The following IPCEF1 variants were observed in gnomAD, a reference collection of about 807,000 sequenced individuals.
IPCEF1 encodes interaction protein for cytohesin exchange factors 1, also known as interactor protein for cytohesin exchange factors 1.
Under a neutral mutation model 50.9 loss-of-function variants are expected in IPCEF1, and 31 were observed. The observed-to-expected ratio is 0.61, with a 90% CI of 0.46 to 0.82. IPCEF1 has a LOEUF of 0.82. Among genes scored for constraint, IPCEF1 ranks in the 40% least tolerant of loss-of-function variants. The probability of loss-of-function intolerance (pLI) is 0.00; values close to 1 mark genes in which losing one functional copy is unlikely to be tolerated. For missense variants in IPCEF1, 458 were observed against 514.0 expected, an observed-to-expected ratio of 0.89 and a Z score of 1.05; for synonymous variants, 181 against 192.0, an observed-to-expected ratio of 0.94 and a Z score of 0.47.
intron 1 of IPCEF1, among the ~76,000 whole-genome samples, chr6:154,347,712 G>T (rs1048135031): frequency 6.6e-6 from 1 of 152,166 alleles, no homozygotes; most frequent in South Asian, 2.1e-4. Flanking sequence ...CACCTCAGTG[G>T]CTCCTACTGC....
chr6:154,227,284 A>G (rs1428425785), intron 5 of IPCEF1, among the ~76,000 whole-genome samples: 1 of 152,210 alleles, frequency 6.6e-6, no homozygotes, highest in African/African-American at 2.4e-5. Flanking sequence ...AATTAGAATC[A>G]GCACCCAATT....
chr6:154,195,074 C>T (rs1776480585), intron 10 of IPCEF1, among the ~76,000 whole-genome samples: 1 of 152,058 alleles, frequency 6.6e-6, no homozygotes, highest in Admixed American at 6.6e-5. Flanking sequence ...GCTCCCTAAA[C>T]CTTCTTATGT....
At position 154,276,271 on chromosome 6, in the gene IPCEF1, G is replaced by GA. The variant is rs1183353924; in HGVS notation, c.-17-10308dup. On this transcript the variant is annotated intron_variant, in intron 2 of 11. Transcript: ENST00000367220. ...GGTGGGAGGGAGGGAGGAAGAAAGA[G>GA]AAAAAAGAAAAGAAAAAAAAAGAAA... Among the ~76,000 whole-genome samples the GA allele has an allele frequency of 1.7e-4, 15 of 88,874 alleles. No homozygotes were observed. The East Asian group carries it at 7.7e-3, about 46-fold the overall frequency. 58.3% of individuals were successfully genotyped at this position (88,874 alleles called of 152,430 possible).
intron 11 of IPCEF1, among the ~76,000 whole-genome samples, chr6:154,167,110 T>C (rs190696636): frequency 3.9e-4 from 60 of 152,332 alleles, no homozygotes; most frequent in African/African-American, 1.2e-3. Context: ...CTTAAGTTCT[T>C]AATGCCAAAG....
chr6:154,223,205 G>A lies in IPCEF1; in HGVS notation c.285C>T (p.Phe95=). The change falls in exon 6 of 12, where the codon TTC becomes TTT. Residue 95 remains phenylalanine (F), a synonymous_variant. Coordinates refer to ENST00000367220, the MANE Select transcript of IPCEF1 (RefSeq NM_001130700.2). ...KADGFVNLPD[F]TVERASECKK... Reference sequence around the variant, plus strand: ...TGCATTCAGATGCTCTTTCCACAGTGAAATCAGGCAGGTTGACAAATCCAT... The same window carrying A: ...TGCATTCAGATGCTCTTTCCACAGTAAAATCAGGCAGGTTGACAAATCCAT... 6.2e-7 allele frequency: 1 copy of A among 1,613,748 alleles called. No individual in the cohort carries two copies. The highest frequency in any genetic ancestry group is 8.5e-7 in the Non-Finnish European group (1 of 1,179,956).
In IPCEF1 at chr6:154,156,637, T is replaced by C. The variant is rs1798726790; in HGVS notation, c.*3191A>G. On this transcript the variant is annotated 3_prime_UTR_variant, in exon 12 of 12. Coordinates refer to ENST00000367220, the MANE Select transcript of IPCEF1 (RefSeq NM_001130700.2). ...CATTGAAATCTGACTCCAAACACAA[T>C]CTCTTTCTTACGCTTCCTGGAGTCT... 6.6e-6 allele frequency: 1 copy of C among 152,192 alleles called. No individual in the cohort carries two copies. Among genetic ancestry groups the C allele is most frequent in the South Asian group, 2.1e-4 (1 of 4,830 alleles). 9.4% of individuals were successfully genotyped at this position (152,192 alleles called of 1,614,324 possible).
intron 5 of IPCEF1, among the ~76,000 whole-genome samples, chr6:154,239,550 C>T (rs997035110): frequency 2.0e-5 from 3 of 152,154 alleles, no homozygotes; most frequent in Admixed American, 6.5e-5. Context: ...TGCGGTAAAC[C>T]GGTCACCTAC....
chr6:154,273,708 CTTT>C (rs1781959392), intron 2 of IPCEF1, among the ~76,000 whole-genome samples: 3 of 54,046 alleles, frequency 5.6e-5, no homozygotes, highest in Admixed American at 3.6e-4. Flanking sequence ...TTCTTTTTTT[CTTT>C]CTTTCTTTCT....
intron 10 of IPCEF1, among the ~76,000 whole-genome samples, chr6:154,199,169 A>G (rs756910237): frequency 6.6e-6 from 1 of 152,246 alleles, no homozygotes; most frequent in African/African-American, 2.4e-5. Flanking sequence ...CACAAAGTGC[A>G]TGCAAATTGT....
chr6:154,253,484 G>C (rs1781387132), intron 3 of IPCEF1, among the ~76,000 whole-genome samples: 1 of 152,116 alleles, frequency 6.6e-6, no homozygotes, highest in Non-Finnish European at 1.5e-5. Flanking sequence ...ATGCTGCATA[G>C]TACTGCAGTG....
chr6:154,188,004 T>C (rs1304616810), intron 10 of IPCEF1, among the ~76,000 whole-genome samples: 1 of 152,210 alleles, frequency 6.6e-6, no homozygotes, highest in African/African-American at 2.4e-5. Flanking sequence ...TCTATCAGCA[T>C]TGTACTTTGG....
At chr6:154,315,330 T>C (rs2128683257) in intron 1 of IPCEF1, among the ~76,000 whole-genome samples, 1 of 152,304 alleles carries the variant, frequency 6.6e-6, no homozygotes, top group South Asian at 2.1e-4. Flanking sequence ...CCAGAGCATT[T>C]CTATGAACAT....
rs140769828 is a variant in IPCEF1, at chr6:154,206,303, C to T, written c.538-6263G>A. On this transcript the variant is annotated intron_variant, in intron 9 of 11. Transcript: ENST00000367220. ...TCTGTGAGAGTCAAATGAAATCATTCTTCTCAAAGCCATGCAAAAGCACTA... is the reference window on the plus strand; with the variant it reads ...TCTGTGAGAGTCAAATGAAATCATTTTTCTCAAAGCCATGCAAAAGCACTA... Among the ~76,000 whole-genome samples the T allele has an allele frequency of 7.1e-3, 1,074 of 152,296 alleles. 11 individuals are homozygous for T. The highest frequency in any genetic ancestry group is 0.011 in the Non-Finnish European group (729 of 68,026).
In IPCEF1 at chr6:154,270,691, C is replaced by A. The variant is rs374186406; in HGVS notation, c.-17-4727G>T. ...ATTAATTTCAATTTAAATATGTATT[C>A]TTGGCCAGGTACGGTGGCTCACGCC... On this transcript the variant is annotated intron_variant, in intron 2 of 11. Transcript: ENST00000367220. Among the ~76,000 whole-genome samples, 8 of 152,130 alleles carry A rather than the reference C, an allele frequency of 5.3e-5. No homozygotes were observed. In the East Asian group the frequency reaches 7.7e-4, roughly 15 times the overall value.
At chr6:154,321,430 G>A (rs1438669987) in intron 1 of IPCEF1, among the ~76,000 whole-genome samples, 3 of 151,472 alleles carry the variant, frequency 2.0e-5, no homozygotes, top group African/African-American at 4.9e-5. Context: ...AGGGTGATAC[G>A]TATATTTATA....
At chr6:154,176,670 G>A (rs1800360381) in intron 10 of IPCEF1, among the ~76,000 whole-genome samples, 3 of 152,200 alleles carry the variant, frequency 2.0e-5, no homozygotes, top group Admixed American at 2.0e-4. Flanking sequence ...AAATAAAAGA[G>A]GTCACAAACA....
At chr6:154,179,504 C>T (rs968202716) in intron 10 of IPCEF1, among the ~76,000 whole-genome samples, 1 of 152,162 alleles carries the variant, frequency 6.6e-6, no homozygotes, top group Non-Finnish European at 1.5e-5. Context: ...TTTCCGCCCC[C>T]CCTTATCTTC....
chr6:154,176,076 T>A (rs1276218214), intron 10 of IPCEF1, among the ~76,000 whole-genome samples: 2 of 152,180 alleles, frequency 1.3e-5, no homozygotes, highest in African/African-American at 4.8e-5. Flanking sequence ...AAAAACCACA[T>A]GATTATGTCA....
In IPCEF1 at chr6:154,289,948, AG is replaced by A. The variant is rs895273976; in HGVS notation, c.-61-193del. Among the ~76,000 whole-genome samples the A allele has an allele frequency of 3.2e-4, 49 of 152,274 alleles. 1 individual carries two copies. Among genetic ancestry groups the A allele is most frequent in the Admixed American group, 6.5e-5 (1 of 15,284 alleles). On this transcript the variant is annotated intron_variant, in intron 1 of 11. Coordinates refer to ENST00000367220, the MANE Select transcript of IPCEF1 (RefSeq NM_001130700.2). Reference sequence around the variant, plus strand: ...ACAGCTAGGCAAACACAAACAGTTCAGGAAAGTCCCACCACCACCACCACCC... The same window carrying A: ...ACAGCTAGGCAAACACAAACAGTTCAGAAAGTCCCACCACCACCACCACCC...
Sources: allele counts gnomAD v4.1 joint callset (sites outside exome capture counted in the v4.1 genomes callset), GRCh38; gene constraint gnomAD v4.1.1; transcripts MANE v1.5; gene names NCBI Gene and HGNC (gene_info 2026-07-23, HGNC 2026-07-21).